ETV6: variants seen among roughly 807,000 people sequenced by gnomAD.
ETV6 encodes transcription factor ETV6.
ETV6 carries 16 observed loss-of-function variants against 51.1 expected under a neutral mutation model. The observed-to-expected ratio is 0.31, with a 90% CI of 0.21 to 0.48. The LOEUF (loss-of-function observed/expected upper bound fraction) is 0.48, where lower values mean the gene tolerates loss of function less well. ETV6 is among the 20% of genes least tolerant of loss of function. The pLI is 0.99. For synonymous variants in ETV6, 240 were observed against 224.1 expected (o/e 1.07, Z -0.64); for missense variants, 458 against 594.8 (o/e 0.77, Z 2.39).
chr12:11,867,495 C>T (rs548008736), intron 4 of ETV6, among the ~76,000 whole-genome samples: 3 of 152,150 alleles, frequency 2.0e-5, no homozygotes, highest in African/African-American at 4.8e-5. Flanking sequence ...AAGCCCTTTG[C>T]CTTCAAGGAG....
intron 1 of ETV6, among the ~76,000 whole-genome samples, chr12:11,704,680 G>T (rs1388530730): frequency 6.6e-6 from 1 of 151,986 alleles, no homozygotes; most frequent in Non-Finnish European, 1.5e-5. Context: ...AAATTTTATT[G>T]TTTATATTTG....
rs1565571589 is a variant in ETV6 at position 11,891,712 on chromosome 12, G to A, written c.*666G>A. The A allele has an allele frequency of 2.2e-6, 1 of 448,090 alleles. No homozygotes were observed. Among genetic ancestry groups the A allele is most frequent in the Non-Finnish European group, 4.3e-6 (1 of 234,182 alleles). The allele number at this position is 448,090 out of a possible 1,614,324, so 27.8% of individuals were successfully genotyped here. A position where few individuals can be genotyped will look rare whatever the true frequency, so the allele number is the denominator to read the frequency against. On this transcript the variant is annotated 3_prime_UTR_variant, in exon 8 of 8. Coordinates refer to ENST00000396373, the MANE Select transcript of ETV6 (RefSeq NM_001987.5). ...CTGTCCTCCCGCCCTGCCTGCAGTT[G>A]AGATTCAGATGCCTTCTGACAGAGT... is the stretch of plus-strand genomic sequence containing the variant.
intron 2 of ETV6, among the ~76,000 whole-genome samples, chr12:11,757,955 G>T (rs995308994): frequency 4.6e-5 from 7 of 152,188 alleles, no homozygotes; most frequent in Admixed American, 2.0e-4. Flanking sequence ...GCGAGCTCAG[G>T]TTAGAGTTGA....
At chr12:11,746,435 T>A (rs1288808401) in intron 1 of ETV6, among the ~76,000 whole-genome samples, 1 of 152,188 alleles carries the variant, frequency 6.6e-6, no homozygotes, top group African/African-American at 2.4e-5. Context: ...AAATAAAGGC[T>A]TCATGGGAAC....
chr12:11,770,757 G>A (rs1945232057), intron 2 of ETV6, among the ~76,000 whole-genome samples: 1 of 152,184 alleles, frequency 6.6e-6, no homozygotes, highest in Non-Finnish European at 1.5e-5. Context: ...CGGCTAATGA[G>A]TAAGTAACAG....
intron 3 of ETV6, among the ~76,000 whole-genome samples, chr12:11,845,991 C>CAA (rs60730342): frequency 0.24 from 28,061 of 117,558 alleles, 2,968 homozygotes; most frequent in East Asian, 0.48. Flanking sequence ...GACTCCGTCT[C>CAA]AAAAAAAAAA....
At position 11,656,402 on chromosome 12, in the gene ETV6, A is replaced by G. The variant is rs561817010; in HGVS notation, c.33+6242A>G. ...ACGGGTGGCTGGTGGATTGTTACAT[A>G]AGCCGAGATGAGAGGCAGGAATAGA... On this transcript the variant is annotated intron_variant, in intron 1 of 7. Coordinates refer to ENST00000396373, the MANE Select transcript of ETV6 (RefSeq NM_001987.5). 8.5e-5 allele frequency among the ~76,000 whole-genome samples: 13 copies of G among 152,298 alleles called. No individual in the cohort carries two copies. In the South Asian group the frequency reaches 1.2e-3, roughly 15 times the overall value.
chr12:11,698,877 T>C (rs984738067), intron 1 of ETV6, among the ~76,000 whole-genome samples: 18 of 152,196 alleles, frequency 1.2e-4, no homozygotes, highest in African/African-American at 4.1e-4. Flanking sequence ...AGTTAGGTAT[T>C]ACTACTACTA....
intron 3 of ETV6, among the ~76,000 whole-genome samples, chr12:11,845,942 A>C (rs1946455242): frequency 6.6e-6 from 1 of 151,830 alleles, no homozygotes; most frequent in Non-Finnish European, 1.5e-5. Flanking sequence ...CAGTGAGCCG[A>C]GATCACGCCA....
At chr12:11,850,754 G>A (rs1010858605) in intron 3 of ETV6, among the ~76,000 whole-genome samples, 1 of 152,208 alleles carries the variant, frequency 6.6e-6, no homozygotes, top group Non-Finnish European at 1.5e-5. Context: ...TGCCCGAGGA[G>A]GCACCAGTCT....
chr12:11,704,019 T>C (rs537775941), intron 1 of ETV6, among the ~76,000 whole-genome samples: 19 of 152,344 alleles, frequency 1.2e-4, no homozygotes, highest in African/African-American at 4.3e-4. Flanking sequence ...AATTTTCAGG[T>C]CATCCTTCTA....
intron 4 of ETV6, among the ~76,000 whole-genome samples, chr12:11,865,021 G>A (rs1946771975): frequency 6.6e-6 from 1 of 152,192 alleles, no homozygotes; most frequent in African/African-American, 2.4e-5. Context: ...GGAGGCTGAG[G>A]TGGGCGGATC....
rs749007545 is a variant in ETV6, at chr12:11,869,480, C to T, written c.520C>T (p.Pro174Ser). 1 of 1,614,102 alleles carries T rather than the reference C, an allele frequency of 6.2e-7. No homozygotes were observed. Among genetic ancestry groups the T allele is most frequent in the Non-Finnish European group, 8.5e-7 (1 of 1,180,008 alleles). Residue 174 changes from proline (P) to serine (S), a missense_variant, in exon 5 of 8, where the codon CCC (proline) becomes TCC (serine). By Grantham distance (74) the Pro-to-Ser change is moderately conservative. Around this residue, in one of 4 missense-constraint regions of ETV6, gnomAD observed 293 missense variants for 315.7 expected, o/e 0.93. Transcript: ENST00000396373. The surrounding 1 kb of genome is among the most constrained non-coding windows in gnomAD (Gnocchi z 5.0). ...PSVDNVHHNP[P>S]TIELLHRSRS... ...CGTGGATAATGTGCACCATAACCCT[C>T]CCACCATTGAACTGTTGCACCGCTC...
At chr12:11,824,999 T>C (rs1166619502) in intron 2 of ETV6, among the ~76,000 whole-genome samples, 3 of 152,088 alleles carry the variant, frequency 2.0e-5, no homozygotes, top group Non-Finnish European at 4.4e-5. Flanking sequence ...TGAGGTCAAA[T>C]CCCACACAAA....
At chr12:11,821,159 C>G (rs1390521994) in intron 2 of ETV6, among the ~76,000 whole-genome samples, 12 of 150,832 alleles carry the variant, frequency 8.0e-5, no homozygotes, top group Admixed American at 7.3e-4. Flanking sequence ...TCAGGAGATC[C>G]AGACCATCCT....
At chr12:11,732,563 C>G (rs1255627334) in intron 1 of ETV6, among the ~76,000 whole-genome samples, 1 of 152,128 alleles carries the variant, frequency 6.6e-6, no homozygotes, top group African/African-American at 2.4e-5. Flanking sequence ...TGGGGAGTTT[C>G]CCCCCATTGT....
chr12:11,845,718 T>A (rs1344826848), intron 3 of ETV6, among the ~76,000 whole-genome samples: 1 of 152,028 alleles, frequency 6.6e-6, no homozygotes, highest in Non-Finnish European at 1.5e-5. Context: ...CCAGGCTGGG[T>A]GCAGTGGCTC....
chr12:11,682,539 C>A (rs1296396662), intron 1 of ETV6, among the ~76,000 whole-genome samples: 1 of 152,152 alleles, frequency 6.6e-6, no homozygotes, highest in East Asian at 1.9e-4. Flanking sequence ...ATGATAGTTT[C>A]TTTTGCTGAG....
intron 1 of ETV6, among the ~76,000 whole-genome samples, chr12:11,691,007 T>C (rs1006884385): frequency 6.6e-6 from 1 of 152,190 alleles, no homozygotes; most frequent in Admixed American, 6.5e-5. Context: ...CAACAGAATT[T>C]GATTCTTTCC....
Sources: allele counts gnomAD v4.1 joint callset (sites outside exome capture counted in the v4.1 genomes callset), GRCh38; gene constraint gnomAD v4.1.1; regional missense constraint gnomAD v4.1.1; non-coding constraint Gnocchi (gnomAD v3.1); transcripts MANE v1.5; gene names NCBI Gene and HGNC (gene_info 2026-07-23, HGNC 2026-07-21).